The following ASTN2 variants were observed in gnomAD, a reference collection of about 807,000 sequenced individuals.
ASTN2 encodes the protein astrotactin-2.
In ASTN2, 54 loss-of-function variants were observed where a neutral mutation model predicts 139.8. That is an observed-to-expected ratio of 0.39 (90% CI 0.31 to 0.48). The LOEUF (loss-of-function observed/expected upper bound fraction) is 0.48, where lower values mean the gene tolerates loss of function less well. ASTN2 is among the 20% of genes least tolerant of loss of function. The pLI, the probability that ASTN2 is intolerant of heterozygous loss-of-function variation, is 0.95. For missense variants in ASTN2, 1,565 were observed against 1,725.1 expected (o/e 0.91, Z 1.64); for synonymous variants, 756 against 719.5 (o/e 1.05, Z -0.81).
chr9:116,767,563 G>A (rs547373659), intron 13 of ASTN2, among the ~76,000 whole-genome samples: 13 of 152,290 alleles, frequency 8.5e-5, no homozygotes, highest in East Asian at 3.9e-4. Flanking sequence ...CTAATAAAGC[G>A]TGTGGCTGTG....
chr9:117,096,268 G>A, intron 4 of ASTN2, 117 bp from the exon 5 acceptor site: 1 of 768,644 alleles, frequency 1.3e-6, no homozygotes, highest in South Asian at 1.6e-5. Flanking sequence ...TAAATCCCAA[G>A]CAACCCAGGA....
intron 10 of ASTN2, among the ~76,000 whole-genome samples, chr9:116,962,543 G>A (rs1026683752): frequency 6.6e-6 from 1 of 152,180 alleles, no homozygotes; most frequent in Admixed American, 6.5e-5. Context: ...TAGTGTTGGA[G>A]AGATTGTAGT....
At chr9:117,050,489 C>T (rs764818541) in intron 5 of ASTN2, among the ~76,000 whole-genome samples, 2 of 152,096 alleles carry the variant, frequency 1.3e-5, no homozygotes, top group African/African-American at 4.8e-5. Flanking sequence ...GCTTCCATGA[C>T]AATGTTCCTT....
intron 13 of ASTN2, among the ~76,000 whole-genome samples, chr9:116,780,044 C>CA (rs1830177356): frequency 6.6e-6 from 1 of 152,198 alleles, no homozygotes; most frequent in Non-Finnish European, 1.5e-5. Context: ...CATTCACTCA[C>CA]CCACTCATTC....
chr9:116,753,250 T>C (rs1829446863), intron 13 of ASTN2, among the ~76,000 whole-genome samples: 4 of 152,152 alleles, frequency 2.6e-5, no homozygotes, highest in Admixed American at 2.6e-4. Flanking sequence ...GGAGCCAGTC[T>C]AAAAGGGCTT....
chr9:117,222,419 G>A (rs372988127), intron 2 of ASTN2, among the ~76,000 whole-genome samples: 1 of 151,886 alleles, frequency 6.6e-6, no homozygotes, highest in Non-Finnish European at 1.5e-5. Context: ...CAGAGACTGG[G>A]GCCTGAAAGG....
At chr9:117,240,968 C>T (rs1372933455) in intron 2 of ASTN2, among the ~76,000 whole-genome samples, 2 of 152,168 alleles carry the variant, frequency 1.3e-5, no homozygotes, top group Non-Finnish European at 2.9e-5. Flanking sequence ...GGTTTACAAT[C>T]CTCCTTTCCA....
Position 116,910,426 on chromosome 9 carries a change from A to G in ASTN2, c.1890-46693T>C, listed in dbSNP as rs115120208. Among the ~76,000 whole-genome samples, 1,166 of 152,260 alleles carry G rather than the reference A, an allele frequency of 7.7e-3. 25 individuals carry two copies. The highest frequency in any genetic ancestry group is 0.027 in the African/African-American group (1,109 of 41,542). ...ACTAGGTGCCAGTAGCACCTCCCAA[A>G]TCATGACAACCAAAAATGTTTCCAG... On this transcript the variant is annotated intron_variant, in intron 10 of 22. Transcript: ENST00000313400.
At chr9:117,105,785 C>T (rs879327990) in intron 4 of ASTN2, among the ~76,000 whole-genome samples, 12 of 152,162 alleles carry the variant, frequency 7.9e-5, no homozygotes, top group Admixed American at 1.3e-4. Context: ...TCCTGACATA[C>T]GGTGTGACTG....
At chr9:116,552,842 C>T (rs1421804868) in intron 19 of ASTN2, among the ~76,000 whole-genome samples, 2 of 152,196 alleles carry the variant, frequency 1.3e-5, no homozygotes, top group African/African-American at 4.8e-5. Flanking sequence ...AGTCAGTGGA[C>T]GTGCACAACC....
chr9:116,502,721 AGG>A, intron 19 of ASTN2, among the ~76,000 whole-genome samples: 2 of 41,104 alleles, frequency 4.9e-5, no homozygotes, highest in Non-Finnish European at 1.1e-4. Flanking sequence ...GAAGGAAGGA[AGG>A]AAGGAAGGAA....
chr9:117,260,325 G>A (rs1240831238), intron 2 of ASTN2, among the ~76,000 whole-genome samples: 1 of 152,128 alleles, frequency 6.6e-6, no homozygotes, highest in East Asian at 1.9e-4. Context: ...AGGGAACTGG[G>A]AACCACTGTT....
chr9:117,296,034 C>G (rs116993362), intron 1 of ASTN2, among the ~76,000 whole-genome samples: 5,531 of 151,926 alleles, frequency 0.036, 139 homozygotes, highest in South Asian at 0.11. Context: ...AATACCTGCA[C>G]TTTGGGAGGC....
intron 16 of ASTN2, among the ~76,000 whole-genome samples, chr9:116,666,241 T>C (rs894808615): frequency 6.6e-6 from 1 of 152,204 alleles, no homozygotes; most frequent in Non-Finnish European, 1.5e-5. Context: ...GCCACTGATA[T>C]GATTCTCTAA....
rs537404441 is a variant in ASTN2, at chr9:116,542,773, TG to T, written c.3356-55274del. 2.8e-4 allele frequency among the ~76,000 whole-genome samples: 43 copies of T among 151,884 alleles called. 2 individuals are homozygous for T. In the East Asian group the frequency reaches 8.1e-3, roughly 28 times the overall value. ...CCCTTCCAAAAATACAAAAAGTAGC[TG>T]GGCATGGTGGCAGGTGCCTGTAATC... is the stretch of plus-strand genomic sequence containing the variant. On this transcript the variant is annotated intron_variant, in intron 19 of 22. Coordinates refer to ENST00000313400, the MANE Select transcript of ASTN2 (RefSeq NM_001365068.1).
At chr9:116,652,864 T>C (rs1857997655) in intron 16 of ASTN2, among the ~76,000 whole-genome samples, 1 of 152,220 alleles carries the variant, frequency 6.6e-6, no homozygotes, top group African/African-American at 2.4e-5. Flanking sequence ...TCTCTTGATC[T>C]ATAAACCAGT....
intron 13 of ASTN2, among the ~76,000 whole-genome samples, chr9:116,736,418 TCCTAGCA>T (rs1282514454): frequency 6.6e-6 from 1 of 152,096 alleles, no homozygotes; most frequent in Non-Finnish European, 1.5e-5. Flanking sequence ...TCAAAAGACA[TCCTAGCA>T]CTCCTCATCA....
chr9:117,261,140 T>C (rs1414906688), intron 2 of ASTN2, among the ~76,000 whole-genome samples: 2 of 152,160 alleles, frequency 1.3e-5, no homozygotes, highest in Non-Finnish European at 2.9e-5. Context: ...CCTGCTTTCA[T>C]GAAGATCACA....
chr9:117,079,328 C>T (rs1050738400), intron 5 of ASTN2, among the ~76,000 whole-genome samples: 2 of 152,082 alleles, frequency 1.3e-5, no homozygotes, highest in Non-Finnish European at 2.9e-5. Context: ...TGCACTCCAA[C>T]CTGAGTGACA....
Sources: allele counts gnomAD v4.1 joint callset (sites outside exome capture counted in the v4.1 genomes callset), GRCh38; gene constraint gnomAD v4.1.1; transcripts MANE v1.5; gene names NCBI Gene and HGNC (gene_info 2026-07-23, HGNC 2026-07-21).